LVRN: variants seen among roughly 807,000 people sequenced by gnomAD.
The protein encoded by LVRN is laeverin.
LVRN carries 99 observed loss-of-function variants against 111.4 expected under a neutral mutation model. The ratio of observed to expected loss-of-function variants is 0.89; its 90% CI spans 0.76 to 1.05. The LOEUF (loss-of-function observed/expected upper bound fraction) is 1.05, where lower values mean the gene tolerates loss of function less well. Ranked by LOEUF, LVRN falls within the 50% of genes least tolerant of loss-of-function variation. The pLI, the probability that LVRN is intolerant of heterozygous loss-of-function variation, is 0.00. For missense variants in LVRN, 1,414 were observed against 1,206.8 expected (o/e 1.17, Z -2.54); for synonymous variants, 488 against 449.5 (o/e 1.09, Z -1.08).
At chr5:116,001,365 G>A (rs146114339) in intron 10 of LVRN, 126 bp downstream of exon 10, 18,366 of 1,113,066 alleles carry the variant, frequency 0.017, 213 homozygotes, top group Non-Finnish European at 0.021. Context: ...ATGTGACTGT[G>A]TACTAGGGTG....
chr5:115,983,321 G>T lies in LVRN; in HGVS notation c.730G>T (p.Ala244Ser). ...LLASQLEPTF[A>S]RYVFPCFDEP... ...AGCGTCCCAGCTGGAACCAACATTT[G>T]CCAGGTATGTTTTCCCTTGTTTTGA... Residue 244 changes from alanine to serine, a missense_variant, in exon 2 of 20, where the codon GCC (alanine) becomes TCC (serine). Physicochemically the swap from Ala to Ser is moderately conservative, Grantham distance 99. Coordinates refer to ENST00000357872, the MANE Select transcript of LVRN (RefSeq NM_173800.5). 6.2e-7 allele frequency: 1 copy of T among 1,607,134 alleles called. No individual in the cohort carries two copies. Among genetic ancestry groups the T allele is most frequent in the South Asian group, 1.1e-5 (1 of 89,522 alleles).
At chr5:116,000,319 A>G (rs1163617609) in intron 7 of LVRN, 114 bp from the exon 8 acceptor site, 1 of 1,413,156 alleles carries the variant, frequency 7.1e-7, no homozygotes, top group Admixed American at 1.7e-5. Flanking sequence ...ACATTCAACT[A>G]AAATGCAAAA....
chr5:115,992,209 C>A lies in LVRN; in HGVS notation c.1192C>A (p.Pro398Thr), dbSNP rs755188589. 3 of 1,613,820 alleles carry A rather than the reference C, an allele frequency of 1.9e-6. No individual in the cohort carries two copies. Among genetic ancestry groups the A allele is most frequent in the Admixed American group, 1.7e-5 (1 of 59,996 alleles). Residue 398 changes from proline (P) to threonine (T), a missense_variant, in exon 5 of 20, where the codon CCA becomes ACA. Physicochemically the swap from Pro to Thr is conservative, Grantham distance 38 (BLOSUM62 -1). Coordinates refer to ENST00000357872, the MANE Select transcript of LVRN (RefSeq NM_173800.5). ...IFDESGLLLE[P>T]KDQLTEKKTL... Reference sequence around the variant, plus strand: ...TGATGAATCAGGATTGTTGTTGGAACCAAAAGATCAACTGACAGAAAAAAA... The same window carrying A: ...TGATGAATCAGGATTGTTGTTGGAAACAAAAGATCAACTGACAGAAAAAAA...
At position 115,993,577 on chromosome 5, in the gene LVRN, C is replaced by G. The variant is rs181456850; in HGVS notation, c.1261-164C>G. Among the ~76,000 whole-genome samples the G allele has an allele frequency of 4.6e-5, 7 of 152,286 alleles. No individual in the cohort carries two copies. In the East Asian group the frequency reaches 1.2e-3, roughly 25 times the overall value. On this transcript the variant is annotated intron_variant, in intron 5 of 19. Coordinates refer to ENST00000357872, the MANE Select transcript of LVRN (RefSeq NM_173800.5). ...TGACTAATATCTATTTATGTGAAAA[C>G]AACAACTTGCTTTTTTGGTGTCCTG...
At position 116,007,139 on chromosome 5, in the gene LVRN, A is replaced by G. The variant is rs188043033; in HGVS notation, c.2093+1172A>G. ...TGCCTGGCCTATTAAATTAGCCTCC[A>G]GCCTTCGGTCCTTTTGAATTTCATT... On this transcript the variant is annotated intron_variant, in intron 13 of 19. Transcript: ENST00000357872. 9.8e-5 allele frequency among the ~76,000 whole-genome samples: 15 copies of G among 152,362 alleles called. No homozygotes were observed. The East Asian group carries it at 2.9e-3, about 29-fold the overall frequency.
intron 4 of LVRN, among the ~76,000 whole-genome samples, chr5:115,989,538 C>G (rs1032362619): frequency 6.6e-6 from 1 of 152,158 alleles, no homozygotes; most frequent in Non-Finnish European, 1.5e-5. Context: ...AATTATCTCC[C>G]TCATTAGACC....
intron 1 of LVRN, among the ~76,000 whole-genome samples, chr5:115,981,675 A>G (rs1026937305): frequency 1.3e-5 from 2 of 152,214 alleles, no homozygotes; most frequent in Non-Finnish European, 2.9e-5. Context: ...GTTATTATTC[A>G]TTCTTTCTAA....
chr5:116,025,175 G>GA (rs1366614135), intron 19 of LVRN, among the ~76,000 whole-genome samples: 1 of 152,136 alleles, frequency 6.6e-6, no homozygotes, highest in Non-Finnish European at 1.5e-5. Flanking sequence ...AAGAGTGGGG[G>GA]AGGATTGTTC....
intron 10 of LVRN, 100 bp downstream of exon 10, chr5:116,001,339 C>T: frequency 7.5e-7 from 1 of 1,332,994 alleles, no homozygotes; most frequent in Non-Finnish European, 1.1e-6. Flanking sequence ...CCCCGCTGGG[C>T]ATACACACTT....
chr5:115,967,133 T>C (rs1252133685), intron 1 of LVRN, among the ~76,000 whole-genome samples: 3 of 152,198 alleles, frequency 2.0e-5, no homozygotes, highest in Non-Finnish European at 4.4e-5. Flanking sequence ...AGAATAAAAG[T>C]TTTAAATAAA....
chr5:116,006,034 C>T (rs559969958), intron 13 of LVRN, 67 bp downstream of exon 13: 3 of 1,288,528 alleles, frequency 2.3e-6, no homozygotes, highest in African/African-American at 3.0e-5. Context: ...ATAATAGCTT[C>T]ATCACTATGA....
At chr5:115,986,090 C>T (rs1056571434) in intron 3 of LVRN, among the ~76,000 whole-genome samples, 9 of 152,224 alleles carry the variant, frequency 5.9e-5, no homozygotes, top group African/African-American at 1.2e-4. Flanking sequence ...ATTCTCAAAG[C>T]TCCTCCTAAC....
chr5:115,980,287 A>G (rs1025872579), intron 1 of LVRN, among the ~76,000 whole-genome samples: 1 of 151,936 alleles, frequency 6.6e-6, no homozygotes. Flanking sequence ...CACCACTGTG[A>G]GGTTCTCAGA....
rs1580406504 is a variant in LVRN, at chr5:116,027,462, G to C, written c.*1344G>C. 6.6e-6 allele frequency: 1 copy of C among 152,218 alleles called. No homozygotes were observed. Among genetic ancestry groups the C allele is most frequent in the African/African-American group, 2.4e-5 (1 of 41,464 alleles). The allele number at this position is 152,218 out of a possible 1,614,324, so 9.4% of individuals were successfully genotyped here. On this transcript the variant is annotated 3_prime_UTR_variant, in exon 20 of 20. Transcript: ENST00000357872. ...ATTCACAAGAGGATTCTCCCTGAGT[G>C]TCAGGGGAGGCTGTGGGACTTCACC...
intron 14 of LVRN, among the ~76,000 whole-genome samples, chr5:116,011,682 G>T (rs57532738): frequency 1.3e-5 from 2 of 152,178 alleles, no homozygotes; most frequent in East Asian, 1.9e-4. Context: ...ATTAAGCTGA[G>T]CTTGGGATGG....
intron 13 of LVRN, among the ~76,000 whole-genome samples, chr5:116,006,450 T>A (rs773688650): frequency 6.6e-6 from 1 of 152,140 alleles, no homozygotes; most frequent in Non-Finnish European, 1.5e-5. Context: ...CTTTCCTCCT[T>A]TTTCCCTCTG....
Position 115,984,285 on chromosome 5 carries a change from G to A in LVRN, c.839-285G>A, listed in dbSNP as rs114916704. ...GGACTAGAAAACAATAGAATTAGGTGGGAGAGAAAGGAGGCAGATTGGGGG... is the reference window on the plus strand; with the variant it reads ...GGACTAGAAAACAATAGAATTAGGTAGGAGAGAAAGGAGGCAGATTGGGGG... On this transcript the variant is annotated intron_variant, in intron 2 of 19. Coordinates refer to ENST00000357872, the MANE Select transcript of LVRN (RefSeq NM_173800.5). Among the ~76,000 whole-genome samples, 799 of 152,228 alleles carry A rather than the reference G, an allele frequency of 5.2e-3. 5 individuals carry two copies. Among genetic ancestry groups the A allele is most frequent in the African/African-American group, 0.018 (754 of 41,522 alleles).
Position 116,015,413 on chromosome 5 carries a change from T to G in LVRN, c.2612T>G (p.Leu871Arg), listed in dbSNP as rs1188413705. Residue 871 changes from leucine (L) to arginine (R), a missense_variant, in exon 17 of 20, where the codon CTT becomes CGT. By Grantham distance (102) the Leu-to-Arg change is moderately radical. Coordinates refer to ENST00000357872, the MANE Select transcript of LVRN (RefSeq NM_173800.5). ...AGCTGCAGCAAAGACCCATGGATAC[T>G]TAACAGGTGATTATGGTCAACTTAC... ...AMSCSKDPWI[L>R]NRYMEYAIST... is the part of the protein sequence containing the mutation. The G allele has an allele frequency of 6.3e-7, 1 of 1,580,082 alleles. No homozygotes were observed. Among genetic ancestry groups the G allele is most frequent in the African/African-American group, 1.4e-5 (1 of 73,310 alleles).
intron 18 of LVRN, among the ~76,000 whole-genome samples, chr5:116,017,352 T>C (rs749224847): frequency 1.6e-4 from 24 of 152,312 alleles, no homozygotes; most frequent in Admixed American, 7.8e-4. Flanking sequence ...TGATGTCTTG[T>C]TTCTAACTGG....
Sources: allele counts gnomAD v4.1 joint callset (sites outside exome capture counted in the v4.1 genomes callset), GRCh38; gene constraint gnomAD v4.1.1; transcripts MANE v1.5; gene names NCBI Gene and HGNC (gene_info 2026-07-23, HGNC 2026-07-21).